The following GPATCH2 variants were observed in gnomAD, a reference collection of about 807,000 sequenced individuals.
The protein encoded by GPATCH2 is G-patch domain containing 2.
A neutral mutation model predicts 58.0 loss-of-function variants in GPATCH2; 51 were observed. That is an observed-to-expected ratio of 0.88 (90% CI 0.70 to 1.11). The LOEUF is 1.11. Among genes scored for constraint, GPATCH2 ranks in the 50% most tolerant of loss-of-function variants. The pLI is 0.00. For synonymous variants in GPATCH2, 222 were observed against 218.5 expected, an observed-to-expected ratio of 1.02 and a Z score of -0.14; for missense variants, 625 against 652.2, an observed-to-expected ratio of 0.96 and a Z score of 0.45.
chr1:217,572,852 T>TC, intron 5 of GPATCH2, among the ~76,000 whole-genome samples: 1 of 152,184 alleles, frequency 6.6e-6, no homozygotes, highest in Admixed American at 6.5e-5. Context: ...GAAAAGCTAC[T>TC]TTTCTGGGTG....
intron 8 of GPATCH2, among the ~76,000 whole-genome samples, chr1:217,462,004 G>C (rs1660222064): frequency 6.6e-6 from 1 of 152,138 alleles, no homozygotes; most frequent in South Asian, 2.1e-4. Context: ...TTCAACAATT[G>C]GGAGGAAGAG....
intron 5 of GPATCH2, among the ~76,000 whole-genome samples, chr1:217,565,610 C>T (rs1666184966): frequency 6.6e-6 from 1 of 152,144 alleles, no homozygotes; most frequent in Admixed American, 6.6e-5. Context: ...TGTAAACTGG[C>T]AAATGAGTAT....
At chr1:217,507,366 G>A (rs1662614109) in intron 6 of GPATCH2, among the ~76,000 whole-genome samples, 1 of 152,102 alleles carries the variant, frequency 6.6e-6, no homozygotes, top group Admixed American at 6.6e-5. Flanking sequence ...ATGCTCAAGA[G>A]GCCCTGCTAA....
intron 5 of GPATCH2, among the ~76,000 whole-genome samples, chr1:217,584,623 C>T (rs1016974263): frequency 4.6e-5 from 7 of 151,800 alleles, no homozygotes; most frequent in Admixed American, 6.6e-5. Context: ...CTGTTAAACA[C>T]ACACAGCAAA....
At chr1:217,542,686 T>G (rs1235739729) in intron 5 of GPATCH2, among the ~76,000 whole-genome samples, 1 of 152,204 alleles carries the variant, frequency 6.6e-6, no homozygotes, top group East Asian at 1.9e-4. Context: ...TATTTCCTTT[T>G]AAAAATGTCT....
At position 217,432,542 on chromosome 1, in the gene GPATCH2, A is replaced by G. The variant is rs115004620; in HGVS notation, c.1367-1177T>C. 2.7e-3 allele frequency among the ~76,000 whole-genome samples: 406 copies of G among 152,280 alleles called. 5 individuals carry two copies. Among genetic ancestry groups the G allele is most frequent in the African/African-American group, 9.2e-3 (381 of 41,562 alleles). On this transcript the variant is annotated intron_variant, in intron 9 of 9. Transcript: ENST00000366935. ...TTGGTTGATCTGTCCCAGGTGTGGT[A>G]TAGGTTGGCTCTTTCCTTGACTGGT...
intron 5 of GPATCH2, among the ~76,000 whole-genome samples, chr1:217,560,949 T>C (rs1448448033): frequency 6.6e-6 from 1 of 152,224 alleles, no homozygotes; most frequent in East Asian, 1.9e-4. Flanking sequence ...TGGTAAGTGT[T>C]ATTTAATGGG....
chr1:217,580,106 A>C (rs886773050), intron 5 of GPATCH2, among the ~76,000 whole-genome samples: 1 of 152,208 alleles, frequency 6.6e-6, no homozygotes, highest in African/African-American at 2.4e-5. Flanking sequence ...TTCACTTAGG[A>C]ATGTATTATA....
At chr1:217,458,840 C>G (rs975159687) in intron 8 of GPATCH2, among the ~76,000 whole-genome samples, 1 of 152,142 alleles carries the variant, frequency 6.6e-6, no homozygotes, top group Non-Finnish European at 1.5e-5. Context: ...GTGTTTTTCT[C>G]CGTATTTCCA....
intron 8 of GPATCH2, among the ~76,000 whole-genome samples, chr1:217,491,338 C>G (rs1661723910): frequency 6.6e-6 from 1 of 152,034 alleles, no homozygotes; most frequent in African/African-American, 2.4e-5. Flanking sequence ...ATATTTCTCT[C>G]TCATAAGGTC....
At chr1:217,526,182 A>G (rs1270586862) in intron 5 of GPATCH2, among the ~76,000 whole-genome samples, 1 of 152,204 alleles carries the variant, frequency 6.6e-6, no homozygotes, top group Non-Finnish European at 1.5e-5. Flanking sequence ...TCAAGGACCA[A>G]TAGTAATTTA....
chr1:217,587,150 A>G (rs1667378235), intron 5 of GPATCH2, among the ~76,000 whole-genome samples: 1 of 152,172 alleles, frequency 6.6e-6, no homozygotes, highest in Admixed American at 6.5e-5. Context: ...TGGAAAACTA[A>G]ATTTCCTGAC....
intron 5 of GPATCH2, among the ~76,000 whole-genome samples, chr1:217,545,706 G>A (rs1665006003): frequency 6.6e-6 from 1 of 152,158 alleles, no homozygotes; most frequent in African/African-American, 2.4e-5. Context: ...AAAAGAACAA[G>A]CCAGGGAATC....
intron 8 of GPATCH2, among the ~76,000 whole-genome samples, chr1:217,460,212 C>A (rs969859500): frequency 6.6e-6 from 1 of 152,000 alleles, no homozygotes; most frequent in Admixed American, 6.6e-5. Context: ...GTCAAAGATC[C>A]CATGAACAGA....
rs1470547105 is a variant in GPATCH2, at chr1:217,428,239, T to C, written c.*2906A>G. The C allele has an allele frequency of 2.0e-5, 3 of 152,174 alleles. No homozygotes were observed. The highest frequency in any genetic ancestry group is 6.5e-5 in the Admixed American group (1 of 15,276). 9.4% of individuals were successfully genotyped at this position (152,174 alleles called of 1,614,324 possible). A position where few individuals can be genotyped will look rare whatever the true frequency, so the allele number is the denominator to read the frequency against. On this transcript the variant is annotated 3_prime_UTR_variant, in exon 10 of 10. Transcript: ENST00000366935. ...AGAAAAGGGAGACCTATGCAGTCTC[T>C]AAAATTTTTAGTACAACCAATTAAT... is the stretch of plus-strand genomic sequence containing the variant.
At chr1:217,470,495 T>C (rs1457643693) in intron 8 of GPATCH2, among the ~76,000 whole-genome samples, 1 of 152,188 alleles carries the variant, frequency 6.6e-6, no homozygotes, top group Non-Finnish European at 1.5e-5. Context: ...TGTGGGCTTT[T>C]CATATAAAAC....
chr1:217,533,403 AAAAAT>A (rs1664300454), intron 5 of GPATCH2, among the ~76,000 whole-genome samples: 2 of 152,192 alleles, frequency 1.3e-5, no homozygotes, highest in Admixed American at 1.3e-4. Context: ...ACAGTTGTGA[AAAAAT>A]AAAGGTGAAA....
intron 5 of GPATCH2, among the ~76,000 whole-genome samples, chr1:217,539,440 G>A (rs1398541671): frequency 2.0e-5 from 3 of 152,214 alleles, no homozygotes; most frequent in South Asian, 2.1e-4. Flanking sequence ...TGTTCCCCTG[G>A]TACTGTACAA....
At chr1:217,579,906 A>T (rs1472374665) in intron 5 of GPATCH2, among the ~76,000 whole-genome samples, 1 of 152,194 alleles carries the variant, frequency 6.6e-6, no homozygotes, top group African/African-American at 2.4e-5. Context: ...TATATGGTCA[A>T]AGCCTTTAGC....
Sources: gnomAD v4.1 joint callset for allele counts (sites outside exome capture counted in the v4.1 genomes callset) on GRCh38, gnomAD v4.1.1 for gene constraint, MANE v1.5 for transcripts, NCBI Gene and HGNC (gene_info 2026-07-23, HGNC 2026-07-21) for gene names.